The following SAMM50 variants were observed in gnomAD, a reference collection of about 807,000 sequenced individuals.
SAMM50 encodes SAMM50 sorting and assembly machinery component.
Under a neutral mutation model 66.9 loss-of-function variants are expected in SAMM50, and 47 were observed. The observed-to-expected ratio is 0.70, with a 90% CI of 0.56 to 0.90. The LOEUF is 0.90. Among genes scored for constraint, SAMM50 ranks in the 40% least tolerant of loss-of-function variants. The probability of loss-of-function intolerance (pLI) is 0.00; values close to 1 mark genes in which losing one functional copy is unlikely to be tolerated. For missense variants in SAMM50, 535 were observed against 595.3 expected (o/e 0.90, Z 1.05); for synonymous variants, 191 against 214.1 (o/e 0.89, Z 0.94).
intron 10 of SAMM50, among the ~76,000 whole-genome samples, chr22:43,979,820 C>A (rs896671140): frequency 1.3e-5 from 2 of 151,876 alleles, no homozygotes; most frequent in African/African-American, 2.4e-5. Context: ...TTTTTGTTTC[C>A]CAGAAGGCAT....
chr22:43,961,982 ATGTG>A (rs150252128), intron 1 of SAMM50, among the ~76,000 whole-genome samples: 5 of 151,240 alleles, frequency 3.3e-5, no homozygotes, highest in African/African-American at 1.2e-4. Context: ...TCAAGTGATT[ATGTG>A]TGTGTGTGTG....
At chr22:43,962,559 A>G (rs2050151968) in intron 1 of SAMM50, among the ~76,000 whole-genome samples, 1 of 152,230 alleles carries the variant, frequency 6.6e-6, no homozygotes, top group Non-Finnish European at 1.5e-5. Flanking sequence ...TTGTGAGCAT[A>G]TGCAGTTCCC....
chr22:43,995,682 C>T (rs1450665793), intron 14 of SAMM50, among the ~76,000 whole-genome samples: 1 of 152,200 alleles, frequency 6.6e-6, no homozygotes, highest in Admixed American at 6.5e-5. Context: ...CCTGTCCTGC[C>T]ACTTCTCAGC....
rs764523736 is a variant in SAMM50, at chr22:43,996,422, C to T, written c.*39C>T. ...AGGAGAAGCTCTGGGACTGGGGCAG[C>T]AGCAAGGCGCCCATGCCACACACCG... is the stretch of plus-strand genomic sequence containing the variant. On this transcript the variant is annotated 3_prime_UTR_variant, in exon 15 of 15. Transcript: ENST00000350028. 30 of 1,594,034 alleles carry T rather than the reference C, an allele frequency of 1.9e-5. No individual in the cohort carries two copies. Among genetic ancestry groups the T allele is most frequent in the Non-Finnish European group, 2.5e-5 (29 of 1,161,716 alleles).
At chr22:43,993,814 C>T (rs2050338440) in intron 14 of SAMM50, among the ~76,000 whole-genome samples, 1 of 152,128 alleles carries the variant, frequency 6.6e-6, no homozygotes. Context: ...AGAAATTATC[C>T]ACAGGTTTCC....
chr22:43,992,635 G>C (rs766247039), intron 14 of SAMM50, among the ~76,000 whole-genome samples: 12 of 152,218 alleles, frequency 7.9e-5, no homozygotes, highest in South Asian at 2.1e-4. Context: ...AACCTCTCTG[G>C]GTGTCCATTT....
intron 12 of SAMM50, among the ~76,000 whole-genome samples, chr22:43,985,872 G>C (rs886503681): frequency 6.6e-6 from 1 of 151,494 alleles, no homozygotes; most frequent in Non-Finnish European, 1.5e-5. Flanking sequence ...ATGGCTGCGT[G>C]TTTTGTCTTA....
chr22:43,993,415 T>C (rs2050336354), intron 14 of SAMM50, among the ~76,000 whole-genome samples: 1 of 152,250 alleles, frequency 6.6e-6, no homozygotes. Flanking sequence ...TCTGAAATAA[T>C]TTTCATATGA....
chr22:43,981,370 C>A, intron 10 of SAMM50, 21 bp from the exon 11 acceptor site: 1 of 1,596,844 alleles, frequency 6.3e-7, no homozygotes, highest in Non-Finnish European at 8.6e-7. Context: ...AGAAAACAAC[C>A]ATTTGTTTCT....
chr22:43,962,334 A>G (rs2050150855), intron 1 of SAMM50, among the ~76,000 whole-genome samples: 1 of 152,240 alleles, frequency 6.6e-6, no homozygotes, highest in African/African-American at 2.4e-5. Flanking sequence ...ATCATTGTAA[A>G]GTCAAAAAAC....
At chr22:43,955,761 C>T (rs1368080218) in intron 1 of SAMM50, among the ~76,000 whole-genome samples, 163 bp downstream of exon 1, 11 of 152,208 alleles carry the variant, frequency 7.2e-5, no homozygotes, top group African/African-American at 2.7e-4. Context: ...CGCCTCGGGC[C>T]AGCGAGTCTT....
At chr22:43,976,698 T>TAAAAAA in intron 8 of SAMM50, 52 bp from the exon 9 acceptor site, 1 of 1,368,332 alleles carries the variant, frequency 7.3e-7, no homozygotes, top group Admixed American at 1.7e-5. Flanking sequence ...TGCTCATGGT[T>TAAAAAA]ATCTAATAGA....
chr22:43,987,793 A>G (rs142690680), intron 12 of SAMM50: 1 of 152,162 alleles, frequency 6.6e-6, no homozygotes, highest in African/African-American at 2.4e-5. Context: ...TGGTCCACCT[A>G]TGTTGTTTTT....
chr22:43,985,637 T>C (rs1177447536), intron 12 of SAMM50, among the ~76,000 whole-genome samples: 3 of 152,080 alleles, frequency 2.0e-5, no homozygotes, highest in Non-Finnish European at 4.4e-5. Flanking sequence ...TGTTTGGCAG[T>C]GATGAGTAAA....
rs1190307420 is a variant in SAMM50 at position 43,955,492 on chromosome 22, C to G, written c.-86C>G. 6.7e-7 allele frequency: 1 copy of G among 1,496,000 alleles called. No individual in the cohort carries two copies. The highest frequency in any genetic ancestry group is 1.4e-5 in the African/African-American group (1 of 72,322). 92.7% of individuals were successfully genotyped at this position (1,496,000 alleles called of 1,614,324 possible). Reference sequence around the variant, plus strand: ...GGAGTTGCCTTGACCTGCAGCTCCGCCACCGCGGACCCGCCTTCTGCCCTC... The same window carrying G: ...GGAGTTGCCTTGACCTGCAGCTCCGGCACCGCGGACCCGCCTTCTGCCCTC... On this transcript the variant is annotated 5_prime_UTR_variant, in exon 1 of 15. Coordinates refer to ENST00000350028, the MANE Select transcript of SAMM50 (RefSeq NM_015380.5).
intron 3 of SAMM50, 132 bp downstream of exon 3, chr22:43,964,685 C>A: frequency 1.8e-6 from 1 of 557,120 alleles, no homozygotes; most frequent in Non-Finnish European, 3.3e-6. Context: ...CCACAGGGAG[C>A]CTTGGCACCC....
chr22:43,965,025 G>A (rs2050166181), intron 3 of SAMM50, among the ~76,000 whole-genome samples: 1 of 151,848 alleles, frequency 6.6e-6, no homozygotes, highest in Admixed American at 6.6e-5. Context: ...TCCACTGTGG[G>A]TGGTTTCCTC....
In SAMM50 at chr22:43,986,869, G is replaced by A. The variant is rs559353073; in HGVS notation, c.1076-2242G>A. ...CACCCAGGATTTCTTAAAATCTTCAGCACCTTTGTTGCTTCCATTTTTATG... is the reference window on the plus strand; with the variant it reads ...CACCCAGGATTTCTTAAAATCTTCAACACCTTTGTTGCTTCCATTTTTATG... On this transcript the variant is annotated intron_variant, in intron 12 of 14. Coordinates refer to ENST00000350028, the MANE Select transcript of SAMM50 (RefSeq NM_015380.5). 1.3e-5 allele frequency: 2 copies of A among 152,214 alleles called. 1 individual carries two copies. Among genetic ancestry groups the A allele is most frequent in the South Asian group, 4.1e-4 (2 of 4,826 alleles). The allele number at this position is 152,214 out of a possible 1,614,324, so 9.4% of individuals were successfully genotyped here. A position where few individuals can be genotyped will look rare whatever the true frequency, so the allele number is the denominator to read the frequency against.
At chr22:43,982,704 C>T (rs191847091) in intron 11 of SAMM50, among the ~76,000 whole-genome samples, 57 of 152,282 alleles carry the variant, frequency 3.7e-4, no homozygotes, top group Admixed American at 3.2e-3. Context: ...GGCACGATCT[C>T]GACTTACTAC....
Sources: gnomAD v4.1 joint callset for allele counts (sites outside exome capture counted in the v4.1 genomes callset) on GRCh38, gnomAD v4.1.1 for gene constraint, MANE v1.5 for transcripts, NCBI Gene and HGNC (gene_info 2026-07-23, HGNC 2026-07-21) for gene names.